The following KSR2 variants were observed in gnomAD, a reference collection of about 807,000 sequenced individuals.
KSR2 encodes the protein kinase suppressor of ras 2.
In KSR2, 25 loss-of-function variants were observed where a neutral mutation model predicts 107.8. The observed-to-expected ratio is 0.23, with a 90% CI of 0.17 to 0.32. The LOEUF is 0.32. Ranked by LOEUF, KSR2 falls within the 10% of genes least tolerant of loss-of-function variation. The pLI is 1.00. For missense variants in KSR2, 887 were observed against 1,268.9 expected (o/e 0.70, Z 4.57); for synonymous variants, 480 against 507.0 (o/e 0.95, Z 0.71).
At chr12:117,661,742 A>ATGC (rs1302595999) in intron 5 of KSR2, among the ~76,000 whole-genome samples, 1 of 152,198 alleles carries the variant, frequency 6.6e-6, no homozygotes, top group Non-Finnish European at 1.5e-5. Context: ...AAGCTTTGGG[A>ATGC]TGCTGCTGCT....
At chr12:117,716,165 T>G (rs761323291) in intron 4 of KSR2, among the ~76,000 whole-genome samples, 21 of 152,262 alleles carry the variant, frequency 1.4e-4, no homozygotes, top group Non-Finnish European at 3.1e-4. Flanking sequence ...CCCTCTTCCA[T>G]TAGCATATGC....
chr12:117,862,542 G>A (rs1292433309), intron 1 of KSR2, among the ~76,000 whole-genome samples: 1 of 152,078 alleles, frequency 6.6e-6, no homozygotes, highest in Non-Finnish European at 1.5e-5. Flanking sequence ...TCACTCAGGA[G>A]GCTGAGGTGG....
At chr12:117,494,940 T>C (rs1176284958) in intron 14 of KSR2, among the ~76,000 whole-genome samples, 2 of 152,196 alleles carry the variant, frequency 1.3e-5, no homozygotes, top group African/African-American at 4.8e-5. Context: ...ACGTGTGGCA[T>C]GCTTGAGTAA....
rs1249275771 is a variant in KSR2 at position 117,524,876 on chromosome 12, G to A, written c.2195C>T (p.Pro732Leu). ...VVLFMGACMS[P>L]PHLAIITSLC... ...CCTGGTGATGATGGCCAGGTGAGGC[G>A]GGCTCATGCAGGCACCCATGAAAAG... Residue 732 changes from proline to leucine, a missense_variant, in exon 14 of 20, where the codon CCG (proline) becomes CTG (leucine). By Grantham distance (98) the Pro-to-Leu change is moderately conservative. This residue lies in a region of KSR2 where 308 missense variants were observed against 506.2 expected (regional missense o/e 0.61). Transcript: ENST00000339824. The A allele has an allele frequency of 3.1e-6, 5 of 1,611,842 alleles. No homozygotes were observed. The highest frequency in any genetic ancestry group is 2.2e-5 in the East Asian group (1 of 44,842).
At chr12:117,674,255 C>T (rs12822995) in intron 4 of KSR2, 3 of 500,892 alleles carry the variant, frequency 6.0e-6, no homozygotes, top group Non-Finnish European at 1.2e-5. Flanking sequence ...CCCCAATGTT[C>T]TGGTCCAAGC....
At chr12:117,811,265 G>A (rs1487966713) in intron 3 of KSR2, among the ~76,000 whole-genome samples, 1 of 152,146 alleles carries the variant, frequency 6.6e-6, no homozygotes. Context: ...GTGACAATGG[G>A]ACGTGACTAT....
intron 1 of KSR2, among the ~76,000 whole-genome samples, chr12:117,962,090 A>T (rs1352519821): frequency 1.4e-5 from 2 of 146,956 alleles, no homozygotes; most frequent in Non-Finnish European, 3.0e-5. Context: ...GGCTGCAGTG[A>T]GCTATGATGG....
intron 4 of KSR2, among the ~76,000 whole-genome samples, chr12:117,750,249 TAAAAA>T (rs34642697): frequency 8.2e-6 from 1 of 122,270 alleles, no homozygotes; most frequent in Non-Finnish European, 1.7e-5. Context: ...GACTCTGTCT[TAAAAA>T]AAAAAAAAAA....
chr12:117,575,020 T>C (rs1033457782), intron 7 of KSR2, among the ~76,000 whole-genome samples: 1 of 152,072 alleles, frequency 6.6e-6, no homozygotes, highest in Admixed American at 6.6e-5. Flanking sequence ...CTCACTCAGG[T>C]ATGAGACCAT....
intron 14 of KSR2, among the ~76,000 whole-genome samples, chr12:117,523,867 G>A (rs1371503253): frequency 2.0e-5 from 3 of 152,168 alleles, no homozygotes; most frequent in Non-Finnish European, 4.4e-5. Context: ...AGCTACTTAG[G>A]TGGCTGAGGC....
At chr12:117,548,570 AT>A (rs1434584671) in intron 9 of KSR2, among the ~76,000 whole-genome samples, 1 of 152,152 alleles carries the variant, frequency 6.6e-6, no homozygotes, top group East Asian at 1.9e-4. Context: ...ACAGTGGGCT[AT>A]TAGTAGTTAA....
intron 1 of KSR2, among the ~76,000 whole-genome samples, chr12:117,921,712 C>G (rs1288859317): frequency 6.6e-6 from 1 of 152,196 alleles, no homozygotes; most frequent in Admixed American, 6.5e-5. Flanking sequence ...ATGTAAAGCT[C>G]TTAGTGCCAT....
intron 1 of KSR2, among the ~76,000 whole-genome samples, chr12:117,894,395 T>A (rs563526810): frequency 6.6e-6 from 1 of 152,162 alleles, no homozygotes; most frequent in Non-Finnish European, 1.5e-5. Flanking sequence ...CTGGGCACAG[T>A]GGTTCATCCC....
At chr12:117,768,534 G>C (rs76645894) in intron 3 of KSR2, among the ~76,000 whole-genome samples, 3 of 152,164 alleles carry the variant, frequency 2.0e-5, no homozygotes, top group Non-Finnish European at 4.4e-5. Flanking sequence ...CAGGGCTCCT[G>C]TGTGTAGGGA....
At chr12:117,622,945 GA>G (rs1220358645) in intron 5 of KSR2, among the ~76,000 whole-genome samples, 2 of 152,180 alleles carry the variant, frequency 1.3e-5, no homozygotes, top group Non-Finnish European at 2.9e-5. Context: ...ATAGCATATT[GA>G]GGTAGGCATG....
intron 3 of KSR2, among the ~76,000 whole-genome samples, chr12:117,833,623 C>T (rs1892069696): frequency 1.3e-5 from 2 of 152,134 alleles, no homozygotes; most frequent in Admixed American, 1.3e-4. Flanking sequence ...CTCAAGCAAG[C>T]CTCCCAAGTC....
At chr12:117,542,511 C>G (rs926885798) in intron 9 of KSR2, among the ~76,000 whole-genome samples, 2 of 152,086 alleles carry the variant, frequency 1.3e-5, no homozygotes, top group African/African-American at 2.4e-5. Flanking sequence ...AGATACAGAA[C>G]AGACCCATCA....
At chr12:117,856,775 C>T (rs1238637780) in intron 2 of KSR2, among the ~76,000 whole-genome samples, 1 of 152,148 alleles carries the variant, frequency 6.6e-6, no homozygotes, top group Non-Finnish European at 1.5e-5. Flanking sequence ...GATGGTGTTT[C>T]TAGGGCAGTA....
intron 5 of KSR2, among the ~76,000 whole-genome samples, chr12:117,629,228 A>G (rs1465669945): frequency 6.6e-6 from 1 of 152,196 alleles, no homozygotes; most frequent in Non-Finnish European, 1.5e-5. Context: ...ACCAGTCCCA[A>G]TGAGATGAAC....
Sources: allele counts gnomAD v4.1 joint callset (sites outside exome capture counted in the v4.1 genomes callset), GRCh38; gene constraint gnomAD v4.1.1; regional missense constraint gnomAD v4.1.1; transcripts MANE v1.5; gene names NCBI Gene and HGNC (gene_info 2026-07-23, HGNC 2026-07-21).